Variants in PCGF3 observed in about 807,000 individuals in gnomAD.
PCGF3 encodes polycomb group ring finger 3, also known as polycomb group RING finger protein 3.
PCGF3 carries 7 observed loss-of-function variants against 33.1 expected under a neutral mutation model. The ratio of observed to expected loss-of-function variants is 0.21; its 90% CI spans 0.12 to 0.40. The LOEUF is 0.40. PCGF3 is among the 10% of genes least tolerant of loss of function. The pLI, the probability that PCGF3 is intolerant of heterozygous loss-of-function variation, is 1.00. For synonymous variants in PCGF3, 153 were observed against 121.3 expected (o/e 1.26, Z -1.72); for missense variants, 211 against 313.3 (o/e 0.67, Z 2.46).
chr4:751,389 A>G, intron 8 of PCGF3, among the ~76,000 whole-genome samples: 1 of 151,982 alleles, frequency 6.6e-6, no homozygotes, highest in East Asian at 1.9e-4. Flanking sequence ...GGGAGGTTGC[A>G]TGGGTTTTGT....
chr4:764,213 A>C (rs1745231026), intron 9 of PCGF3, among the ~76,000 whole-genome samples: 1 of 152,186 alleles, frequency 6.6e-6, no homozygotes, highest in Admixed American at 6.5e-5. Flanking sequence ...TGTTGGTGGC[A>C]GGGGGGTTCC....
intron 1 of PCGF3, among the ~76,000 whole-genome samples, chr4:719,610 C>T (rs1337597351): frequency 3.3e-5 from 5 of 152,228 alleles, no homozygotes; most frequent in Non-Finnish European, 5.9e-5. Context: ...GAGGCGTTTA[C>T]GCCATAAGGA....
Position 730,240 on chromosome 4 carries a change from C to T in PCGF3, c.-189-390C>T, listed in dbSNP as rs190730596. On this transcript the variant is annotated intron_variant, in intron 1 of 10. Transcript: ENST00000362003. ...CTCTTGGCTGCGTCGTGGAGCCAGCCGTCACTGCCTTGCCTCTGAGGTCTT... is the reference window on the plus strand; with the variant it reads ...CTCTTGGCTGCGTCGTGGAGCCAGCTGTCACTGCCTTGCCTCTGAGGTCTT... Among the ~76,000 whole-genome samples, 77 of 152,322 alleles carry T rather than the reference C, an allele frequency of 5.1e-4. 1 individual carries two copies. The East Asian group carries it at 0.014, about 27-fold the overall frequency.
At chr4:733,827 C>G (rs1257988102) in intron 4 of PCGF3, 38 bp downstream of exon 4, 1 of 1,613,614 alleles carries the variant, frequency 6.2e-7, no homozygotes, top group South Asian at 1.1e-5. Context: ...GAGGGCGCGC[C>G]CTTCCCAGCT....
At chr4:752,166 T>C (rs1744543794) in intron 8 of PCGF3, among the ~76,000 whole-genome samples, 1 of 152,238 alleles carries the variant, frequency 6.6e-6, no homozygotes, top group African/African-American at 2.4e-5. Context: ...CCTTGGGAGT[T>C]TGGAAACTGG....
chr4:753,821 G>A (rs1744642248), intron 8 of PCGF3, among the ~76,000 whole-genome samples: 1 of 152,052 alleles, frequency 6.6e-6, no homozygotes, highest in African/African-American at 2.4e-5. Context: ...GGTGGTGGGT[G>A]CCTGTAATCC....
intron 8 of PCGF3, among the ~76,000 whole-genome samples, chr4:750,117 C>T (rs569796925): frequency 1.3e-5 from 2 of 152,210 alleles, no homozygotes; most frequent in Non-Finnish European, 2.9e-5. Flanking sequence ...TCTTTGTAAG[C>T]GCATTTCCGG....
rs541368267 is a variant in PCGF3, at chr4:720,629, G to A, written c.-189-10001G>A. 1.3e-5 allele frequency among the ~76,000 whole-genome samples: 2 copies of A among 150,562 alleles called. No homozygotes were observed. Among genetic ancestry groups the A allele is most frequent in the East Asian group, 2.0e-4 (1 of 5,086 alleles). ...GGACCCGGGGTGGACGGGCGGTGAC[G>A]TGCGTGTGGACCCGGGGTGGACGGG... On this transcript the variant is annotated intron_variant, in intron 1 of 10. Transcript: ENST00000362003. This position sits in a 1 kb window ranked among gnomAD's most constrained non-coding sequence, Gnocchi z 5.6.
intron 5 of PCGF3, among the ~76,000 whole-genome samples, chr4:735,269 G>A (rs374013353): frequency 6.6e-6 from 1 of 152,202 alleles, no homozygotes; most frequent in Non-Finnish European, 1.5e-5. Flanking sequence ...TAGGTAGGCC[G>A]GGCGCAGGGG....
At chr4:739,988 T>C (rs1450323290) in intron 6 of PCGF3, among the ~76,000 whole-genome samples, 1 of 152,260 alleles carries the variant, frequency 6.6e-6, no homozygotes, top group Non-Finnish European at 1.5e-5. Flanking sequence ...AAGCTTTCAG[T>C]CATTTGTGGC....
At chr4:734,704 C>G in intron 4 of PCGF3, 2 of 1,345,730 alleles carry the variant, frequency 1.5e-6, no homozygotes, top group Non-Finnish European at 1.9e-6. Flanking sequence ...ATTCCTAACC[C>G]TGCCTCTTTG....
At chr4:755,987 A>C (rs967497146) in intron 8 of PCGF3, among the ~76,000 whole-genome samples, 4 of 126,670 alleles carry the variant, frequency 3.2e-5, no homozygotes, top group Non-Finnish European at 6.2e-5. Flanking sequence ...ATCTTGGCTC[A>C]CCGCAACCTC....
intron 8 of PCGF3, among the ~76,000 whole-genome samples, chr4:750,348 G>C (rs1191190451): frequency 6.6e-6 from 1 of 152,178 alleles, no homozygotes; most frequent in African/African-American, 2.4e-5. Context: ...ACGGATCTCT[G>C]CCTTGGGGGA....
chr4:722,538 T>C (rs111979588), intron 1 of PCGF3: 12,479 of 192,428 alleles, frequency 0.065, 26 homozygotes, highest in South Asian at 0.12. Context: ...TCATCGCCCG[T>C]CCGCGCCGGG....
At chr4:741,998 C>G (rs987125003) in intron 6 of PCGF3, among the ~76,000 whole-genome samples, 4 of 152,152 alleles carry the variant, frequency 2.6e-5, no homozygotes, top group Middle Eastern at 3.2e-3. Flanking sequence ...TTAAGGGAAA[C>G]ATTTTCTTTC....
chr4:712,021 G>A (rs1295933041), intron 1 of PCGF3, among the ~76,000 whole-genome samples: 1 of 151,840 alleles, frequency 6.6e-6, no homozygotes, highest in East Asian at 1.9e-4. Context: ...GAAATATAGT[G>A]AGGTTTAGGG....
At chr4:755,368 G>A (rs890677947) in intron 8 of PCGF3, among the ~76,000 whole-genome samples, 1 of 152,078 alleles carries the variant, frequency 6.6e-6, no homozygotes, top group Non-Finnish European at 1.5e-5. Context: ...GGGCTCCTCT[G>A]CGTGTGAGTT....
chr4:748,030 G>A (rs1216124513), intron 8 of PCGF3, among the ~76,000 whole-genome samples: 1 of 152,154 alleles, frequency 6.6e-6, no homozygotes, highest in South Asian at 2.1e-4. Context: ...CTCCGTGAAT[G>A]TTACGTGAAA....
At chr4:712,412 C>T (rs886244831) in intron 1 of PCGF3, among the ~76,000 whole-genome samples, 3 of 152,094 alleles carry the variant, frequency 2.0e-5, no homozygotes, top group African/African-American at 7.2e-5. Flanking sequence ...AAGATAAACT[C>T]TAATATTCGT....
Sources: allele counts gnomAD v4.1 joint callset (sites outside exome capture counted in the v4.1 genomes callset), GRCh38; gene constraint gnomAD v4.1.1; non-coding constraint Gnocchi (gnomAD v3.1); transcripts MANE v1.5; gene names NCBI Gene and HGNC (gene_info 2026-07-23, HGNC 2026-07-21).